The following TMEM117 variants were observed in gnomAD, a reference collection of about 807,000 sequenced individuals.
The protein encoded by TMEM117 is transmembrane protein 117.
Under a neutral mutation model 52.4 loss-of-function variants are expected in TMEM117, and 27 were observed. The ratio of observed to expected loss-of-function variants is 0.51; its 90% CI spans 0.38 to 0.71. The LOEUF (loss-of-function observed/expected upper bound fraction) is 0.71. TMEM117 is among the 30% of genes least tolerant of loss of function. TMEM117 has a pLI of 0.00. For synonymous variants in TMEM117, 215 were observed against 206.3 expected (o/e 1.04, Z -0.36); for missense variants, 556 against 630.5 (o/e 0.88, Z 1.26).
chr12:44,396,212 C>T, the TMEM117 span, among the ~76,000 whole-genome samples: 2 of 152,088 alleles, frequency 1.3e-5, no homozygotes, highest in Non-Finnish European at 2.9e-5. Flanking sequence ...TACCACTCAA[C>T]TCTGCTTTTG....
At chr12:44,321,635 T>A (rs1015763930) in intron 6 of TMEM117, among the ~76,000 whole-genome samples, 2 of 152,022 alleles carry the variant, frequency 1.3e-5, no homozygotes, top group Non-Finnish European at 2.9e-5. Flanking sequence ...AGATGGAAAA[T>A]TGCAATCACA....
chr12:43,828,114 A>G, the TMEM117 span, among the ~76,000 whole-genome samples: 8 of 152,316 alleles, frequency 5.3e-5, no homozygotes, highest in East Asian at 1.5e-3. Context: ...TGTTTTCTTA[A>G]ACCACCAAGT....
chr12:43,988,534 G>T (rs1407227743), intron 3 of TMEM117, among the ~76,000 whole-genome samples: 2 of 152,064 alleles, frequency 1.3e-5, no homozygotes, highest in Non-Finnish European at 2.9e-5. Flanking sequence ...GTAGTCTTGA[G>T]AACATATGGA....
intron 2 of TMEM117, among the ~76,000 whole-genome samples, chr12:43,869,616 G>T (rs921668748): frequency 6.6e-6 from 1 of 152,206 alleles, no homozygotes; most frequent in Non-Finnish European, 1.5e-5. Flanking sequence ...TGTGTATGCC[G>T]AATAGAAAAC....
intron 2 of TMEM117, among the ~76,000 whole-genome samples, chr12:43,913,351 CAA>C (rs1035077392): frequency 1.3e-5 from 2 of 152,270 alleles, no homozygotes; most frequent in African/African-American, 4.8e-5. Flanking sequence ...TGTCTAGTAA[CAA>C]AAAAGTCATA....
chr12:43,970,232 G>T lies in TMEM117; in HGVS notation c.410+25890G>T, dbSNP rs563770098. ...TTTTACTTCATAATGACCTCAGTGT[G>T]CAAGAGTAATGATGGTGGCCTGTTG... On this transcript the variant is annotated intron_variant, in intron 3 of 7. Transcript: ENST00000266534. Among the ~76,000 whole-genome samples the T allele has an allele frequency of 4.6e-5, 7 of 152,206 alleles. No individual in the cohort carries two copies. The South Asian group carries it at 1.2e-3, about 27-fold the overall frequency.
intron 5 of TMEM117, among the ~76,000 whole-genome samples, chr12:44,223,824 G>T (rs563522416): frequency 4.6e-5 from 7 of 152,216 alleles, no homozygotes; most frequent in South Asian, 2.1e-4. Flanking sequence ...AGAAATTCAG[G>T]TCAATGATAA....
chr12:44,254,796 T>C (rs961116650), intron 5 of TMEM117, among the ~76,000 whole-genome samples: 30 of 152,106 alleles, frequency 2.0e-4, no homozygotes, highest in African/African-American at 7.0e-4. Context: ...CTCCTAAAGC[T>C]ATCCCTCCCC....
intron 3 of TMEM117, among the ~76,000 whole-genome samples, chr12:44,013,439 G>T (rs901671819): frequency 6.6e-5 from 10 of 152,152 alleles, no homozygotes; most frequent in Non-Finnish European, 1.3e-4. Flanking sequence ...CTGGAGTTAG[G>T]TATTTCCCTT....
At chr12:43,823,662 C>T in the TMEM117 span, among the ~76,000 whole-genome samples, 12 of 152,174 alleles carry the variant, frequency 7.9e-5, no homozygotes, top group South Asian at 6.2e-4. Flanking sequence ...TACAGGCACG[C>T]GCCACCACAC....
chr12:43,949,610 T>C (rs1945188453), intron 3 of TMEM117, among the ~76,000 whole-genome samples: 1 of 152,202 alleles, frequency 6.6e-6, no homozygotes, highest in Non-Finnish European at 1.5e-5. Context: ...AAGAGTTTGC[T>C]ATCTGTTGGG....
rs1409721988 is a variant in TMEM117 at position 44,388,057 on chromosome 12, C to T, written c.930C>T (p.Leu310=). ...GKWFNYGIIF[L]VLILDLNMWK... is the part of the protein sequence containing the mutation. ...GGTTTAACTATGGAATTATCTTCCTCGTCTTGATTTTGGATCTTAATATGT... is the reference window on the plus strand; with the variant it reads ...GGTTTAACTATGGAATTATCTTCCTTGTCTTGATTTTGGATCTTAATATGT... Residue 310 remains leucine (L), a synonymous_variant, in exon 8 of 8, where the codon CTC becomes CTT. Coordinates refer to ENST00000266534, the MANE Select transcript of TMEM117 (RefSeq NM_032256.3). 7.4e-6 allele frequency: 12 copies of T among 1,611,596 alleles called. No individual in the cohort carries two copies. The highest frequency in any genetic ancestry group is 1.7e-4 in the Middle Eastern group (1 of 6,044).
intron 5 of TMEM117, among the ~76,000 whole-genome samples, chr12:44,296,547 T>C (rs1321488335): frequency 1.3e-5 from 2 of 152,152 alleles, no homozygotes; most frequent in African/African-American, 4.8e-5. Context: ...ATGTTTCCTA[T>C]AAAGTCCCTT....
intron 2 of TMEM117, among the ~76,000 whole-genome samples, chr12:43,907,276 G>C (rs944470715): frequency 7.2e-5 from 11 of 151,858 alleles, no homozygotes; most frequent in African/African-American, 2.7e-4. Flanking sequence ...CAGACCTGCA[G>C]CCGAGGGTCC....
intron 5 of TMEM117, among the ~76,000 whole-genome samples, chr12:44,250,850 G>A (rs1299023223): frequency 2.0e-5 from 3 of 151,996 alleles, no homozygotes; most frequent in South Asian, 2.1e-4. Context: ...AGTGTGGGGC[G>A]AGGGGAGGGA....
rs147536251 is a variant in TMEM117 at position 44,195,476 on chromosome 12, A to G, written c.511-15814A>G. ...CAGGTTCCACCCAGAACTAAAGGAA[A>G]GAGGATTACACAAGAGCAAGAGCCA... On this transcript the variant is annotated intron_variant, in intron 4 of 7. Coordinates refer to ENST00000266534, the MANE Select transcript of TMEM117 (RefSeq NM_032256.3). 2.2e-3 allele frequency among the ~76,000 whole-genome samples: 340 copies of G among 152,282 alleles called. 1 individual carries two copies. Among genetic ancestry groups the G allele is most frequent in the Admixed American group, 2.7e-3 (41 of 15,288 alleles).
the TMEM117 span, among the ~76,000 whole-genome samples, chr12:43,824,770 A>T: frequency 6.6e-6 from 1 of 152,302 alleles, no homozygotes; most frequent in Middle Eastern, 3.4e-3. Context: ...TCTACTAAAA[A>T]TATAAAAAAT....
chr12:44,223,208 A>G (rs560953155), intron 5 of TMEM117, among the ~76,000 whole-genome samples: 1 of 151,914 alleles, frequency 6.6e-6, no homozygotes, highest in African/African-American at 2.4e-5. Context: ...CCTACCCTCC[A>G]CCCTGCAAAA....
chr12:44,182,463 C>T (rs1275886649), intron 4 of TMEM117, among the ~76,000 whole-genome samples: 1 of 152,136 alleles, frequency 6.6e-6, no homozygotes, highest in East Asian at 1.9e-4. Context: ...ACATGATTAT[C>T]TCAATAGATG....
Sources: allele counts gnomAD v4.1 joint callset (sites outside exome capture counted in the v4.1 genomes callset), GRCh38; gene constraint gnomAD v4.1.1; transcripts MANE v1.5; gene names NCBI Gene and HGNC (gene_info 2026-07-23, HGNC 2026-07-21).